NRXN1: variants seen among roughly 807,000 people sequenced by gnomAD.
NRXN1 encodes the protein neurexin 1, also known as neurexin-1.
NRXN1 carries 39 observed loss-of-function variants against 150.9 expected under a neutral mutation model. The observed-to-expected ratio is 0.26, with a 90% confidence interval of 0.20 to 0.34. The LOEUF is 0.34. NRXN1 is among the 10% of genes least tolerant of loss of function. The probability of loss-of-function intolerance (pLI) is 1.00; values close to 1 mark genes in which losing one functional copy is unlikely to be tolerated. For missense variants in NRXN1, 1,815 were observed against 1,949.9 expected (o/e 0.93, Z 1.30); for synonymous variants, 924 against 757.0 (o/e 1.22, Z -3.62).
At chr2:50,054,173 T>G (rs537243177) in intron 20 of NRXN1, among the ~76,000 whole-genome samples, 1 of 152,190 alleles carries the variant, frequency 6.6e-6, no homozygotes, top group South Asian at 2.1e-4. Context: ...ACACTGAGCA[T>G]GTCAGAGACA....
At position 50,415,825 on chromosome 2, in the gene NRXN1, A is replaced by G. The variant is rs146662916; in HGVS notation, c.3364+49617T>C. 4.7e-4 allele frequency among the ~76,000 whole-genome samples: 71 copies of G among 151,408 alleles called. 2 individuals carry two copies. In the East Asian group the frequency reaches 0.013, roughly 27 times the overall value. On this transcript the variant is annotated intron_variant, in intron 17 of 22. Coordinates refer to ENST00000401669, the MANE Select transcript of NRXN1 (RefSeq NM_001330078.2). Reference sequence around the variant, plus strand: ...AGTCTCTCACAATGTGATATGCTAAATTACATTAAAAAAAAACAGAAAAAA... The same window carrying G: ...AGTCTCTCACAATGTGATATGCTAAGTTACATTAAAAAAAAACAGAAAAAA...
chr2:50,037,976 G>A (rs1313939651), intron 21 of NRXN1, among the ~76,000 whole-genome samples: 1 of 152,080 alleles, frequency 6.6e-6, no homozygotes, highest in Non-Finnish European at 1.5e-5. Context: ...TCTGTCATTT[G>A]AATGTGAAAA....
At chr2:50,158,584 A>G (rs1172559399) in intron 18 of NRXN1, among the ~76,000 whole-genome samples, 4 of 152,108 alleles carry the variant, frequency 2.6e-5, no homozygotes, top group African/African-American at 9.7e-5. Flanking sequence ...GATGAATACA[A>G]TTAAAAACTA....
chr2:49,967,140 A>C (rs1257591640), intron 21 of NRXN1, among the ~76,000 whole-genome samples: 1 of 152,142 alleles, frequency 6.6e-6, no homozygotes, highest in Non-Finnish European at 1.5e-5. Context: ...ATCACTTTTC[A>C]AAAGTAATTC....
At chr2:50,262,726 C>G (rs554483162) in intron 17 of NRXN1, among the ~76,000 whole-genome samples, 1 of 152,084 alleles carries the variant, frequency 6.6e-6, no homozygotes, top group East Asian at 1.9e-4. Flanking sequence ...AAAGCATATT[C>G]TCTACAGATG....
In NRXN1 at chr2:50,327,429, A is replaced by T. The variant is rs150738913; in HGVS notation, c.3365-90459T>A. On this transcript the variant is annotated intron_variant, in intron 17 of 22. Coordinates refer to ENST00000401669, the MANE Select transcript of NRXN1 (RefSeq NM_001330078.2). The stretch of plus-strand genomic sequence containing the variant: ...AGAGTCACTTCCTAGAATTACAGAA[A>T]TGCCCTGTGTATGGATGTGGGTAGT... 7.9e-3 allele frequency among the ~76,000 whole-genome samples: 1,200 copies of T among 152,286 alleles called. 14 individuals are homozygous for T. The highest frequency in any genetic ancestry group is 0.028 in the African/African-American group (1,151 of 41,550).
At chr2:50,584,472 A>G (rs1672779875) in intron 8 of NRXN1, among the ~76,000 whole-genome samples, 2 of 152,118 alleles carry the variant, frequency 1.3e-5, no homozygotes, top group South Asian at 4.1e-4. Flanking sequence ...TTTATTCCCT[A>G]CCAACCATCT....
At chr2:49,999,251 A>T (rs7563354) in intron 21 of NRXN1, among the ~76,000 whole-genome samples, 9 of 151,872 alleles carry the variant, frequency 5.9e-5, no homozygotes, top group Non-Finnish European at 1.2e-4. Context: ...CCTATAAATA[A>T]GATCTAAAAA....
intron 2 of NRXN1, among the ~76,000 whole-genome samples, chr2:50,965,913 C>G (rs1368726627): frequency 6.6e-6 from 1 of 151,328 alleles, no homozygotes; most frequent in Non-Finnish European, 1.5e-5. Context: ...TTATATTAAA[C>G]TTTTTACATG....
intron 22 of NRXN1, among the ~76,000 whole-genome samples, chr2:49,922,603 A>C (rs1572858444): frequency 6.6e-6 from 1 of 152,194 alleles, no homozygotes; most frequent in Non-Finnish European, 1.5e-5. Flanking sequence ...GAACAGCCCT[A>C]CCCTATAATA....
At chr2:50,448,266 T>C (rs2086636679) in intron 17 of NRXN1, among the ~76,000 whole-genome samples, 1 of 152,164 alleles carries the variant, frequency 6.6e-6, no homozygotes, top group South Asian at 2.1e-4. Context: ...AATTTCTGGG[T>C]AATTATAATG....
At chr2:50,286,396 G>C (rs1267414700) in intron 17 of NRXN1, among the ~76,000 whole-genome samples, 1 of 151,936 alleles carries the variant, frequency 6.6e-6, no homozygotes. Context: ...TCTTCTTTTT[G>C]TGCATAGCTA....
Position 50,091,456 on chromosome 2 carries a change from T to G in NRXN1, c.3585A>C (p.Thr1195=), listed in dbSNP as rs746596516. 6.2e-7 allele frequency: 1 copy of G among 1,614,212 alleles called. No individual in the cohort carries two copies. The highest frequency in any genetic ancestry group is 2.2e-5 in the East Asian group (1 of 44,880). ...GKIGVKFNVG[T]DDIAIEESNA... is the part of the protein sequence containing the mutation. ...TGGATTCTTCAATGGCGATGTCATC[T>G]GTCCCAACATTAAACTTAACTCCAA... is the stretch of plus-strand genomic sequence containing the variant. Residue 1195 remains threonine, a synonymous_variant, in exon 19 of 23, where the codon ACA becomes ACC. Coordinates refer to ENST00000401669, the MANE Select transcript of NRXN1 (RefSeq NM_001330078.2).
intron 7 of NRXN1, 79 bp downstream of exon 7, chr2:50,621,143 TAAAA>T (rs1267725973): frequency 9.4e-6 from 12 of 1,277,098 alleles, no homozygotes; most frequent in Admixed American, 2.3e-5. Flanking sequence ...TGTCTACAGT[TAAAA>T]GAAAGAAAGA....
chr2:50,980,544 G>A (rs1696625266), intron 2 of NRXN1, among the ~76,000 whole-genome samples: 1 of 151,998 alleles, frequency 6.6e-6, no homozygotes, highest in Non-Finnish European at 1.5e-5. Context: ...AGGAATAGTA[G>A]TGATAGTTTA....
chr2:50,050,297 T>G (rs188810861), intron 21 of NRXN1, among the ~76,000 whole-genome samples: 1 of 152,092 alleles, frequency 6.6e-6, no homozygotes, highest in East Asian at 1.9e-4. Flanking sequence ...CCTATTACTA[T>G]CCCTGCAGGA....
Position 50,925,793 on chromosome 2 carries a change from C to G in NRXN1, c.790+145G>C, listed in dbSNP as rs531374937. 2.1e-4 allele frequency: 142 copies of G among 661,848 alleles called. 1 individual carries two copies. The South Asian group carries it at 2.5e-3, about 12-fold the overall frequency. The allele number at this position is 661,848 out of a possible 1,614,324, so 41.0% of individuals were successfully genotyped here. A position where few individuals can be genotyped will look rare whatever the true frequency, so the allele number is the denominator to read the frequency against. On this transcript the variant is annotated intron_variant, in intron 3 of 22. Transcript: ENST00000401669. ...TGGCAGGGTTGAGAATGTATGTGTT[C>G]TGTATGAAAAGTGATACACAATCCA...
rs557739796 is a variant in NRXN1 at position 50,893,599 on chromosome 2, T to C, written c.832+28270A>G. On this transcript the variant is annotated intron_variant, in intron 5 of 22. Coordinates refer to ENST00000401669, the MANE Select transcript of NRXN1 (RefSeq NM_001330078.2). ...CTCAAGTGTCGGTGCAGGACAAATCTTTACTATGTGATATTTATTTTTATT... is the reference window on the plus strand; with the variant it reads ...CTCAAGTGTCGGTGCAGGACAAATCCTTACTATGTGATATTTATTTTTATT... Among the ~76,000 whole-genome samples, 9 of 152,282 alleles carry C rather than the reference T, an allele frequency of 5.9e-5. No individual in the cohort carries two copies. In the South Asian group the frequency reaches 1.7e-3, roughly 28 times the overall value.
chr2:50,936,867 A>C (rs1266004030), intron 2 of NRXN1, among the ~76,000 whole-genome samples: 1 of 152,138 alleles, frequency 6.6e-6, no homozygotes, highest in African/African-American at 2.4e-5. Flanking sequence ...GTAGTGTGAT[A>C]ATTTTTAAAA....
Sources: gnomAD v4.1 joint callset for allele counts (sites outside exome capture counted in the v4.1 genomes callset) on GRCh38, gnomAD v4.1.1 for gene constraint, MANE v1.5 for transcripts, NCBI Gene and HGNC (gene_info 2026-07-23, HGNC 2026-07-21) for gene names.